Variants in YAF2 observed in about 807,000 individuals in gnomAD.
The protein encoded by YAF2 is YY1 associated factor 2, also known as YY1-associated factor 2.
A neutral mutation model predicts 20.1 loss-of-function variants in YAF2; 7 were observed. That is an observed-to-expected ratio of 0.35 (90% CI 0.20 to 0.65). YAF2 has a LOEUF of 0.65. YAF2 is among the 30% of genes least tolerant of loss of function. The probability of loss-of-function intolerance (pLI) is 0.69; values close to 1 mark genes in which losing one functional copy is unlikely to be tolerated. For synonymous variants in YAF2, 74 were observed against 76.0 expected (o/e 0.97, Z 0.14); for missense variants, 151 against 219.2 (o/e 0.69, Z 1.96).
chr12:42,205,858 C>T (rs2067026260), intron 2 of YAF2: 1 of 406,646 alleles, frequency 2.5e-6, no homozygotes, highest in South Asian at 1.8e-5. Context: ...TTGTGCATCC[C>T]TCAAATTTTG....
At chr12:42,231,486 C>G (rs1436852214) in intron 2 of YAF2, 3 of 152,116 alleles carry the variant, frequency 2.0e-5, no homozygotes, top group Admixed American at 2.0e-4. Context: ...AGGTGTTATT[C>G]TTTGATACTA....
chr12:42,195,725 G>C (rs1183403616), intron 2 of YAF2, among the ~76,000 whole-genome samples: 1 of 152,222 alleles, frequency 6.6e-6, no homozygotes, highest in Non-Finnish European at 1.5e-5. Flanking sequence ...ACACTGTAGA[G>C]AATAGACCAT....
intron 2 of YAF2, among the ~76,000 whole-genome samples, chr12:42,186,683 GGAAAAAAAGAAA>G (rs1431311583): frequency 1.3e-5 from 2 of 150,904 alleles, no homozygotes; most frequent in Non-Finnish European, 3.0e-5. Flanking sequence ...ATCTCAAAAA[GGAAAAAAAGAAA>G]GAAAAAAAGA....
In YAF2 at chr12:42,186,246, A is replaced by G. The variant is rs529637165; in HGVS notation, c.153-24481T>C. 1.1e-4 allele frequency among the ~76,000 whole-genome samples: 16 copies of G among 150,956 alleles called. No homozygotes were observed. The East Asian group carries it at 2.9e-3, about 28-fold the overall frequency. On this transcript the variant is annotated intron_variant, in intron 2 of 3. Coordinates refer to ENST00000534854, the MANE Select transcript of YAF2 (RefSeq NM_005748.6). ...TGGTGGCTCAGGCCTGTAATCCCAG[A>G]ACTTTGGGAGGCAGAGGCAGGAGCT...
intron 2 of YAF2, among the ~76,000 whole-genome samples, chr12:42,198,207 G>T (rs1314873390): frequency 1.3e-5 from 2 of 152,146 alleles, no homozygotes; most frequent in Non-Finnish European, 2.9e-5. Context: ...TCCTTAGGGA[G>T]ATGATGATAA....
rs1315019715 is a variant in YAF2 at position 42,160,402 on chromosome 12, C to T, written c.*187G>A. On this transcript the variant is annotated 3_prime_UTR_variant, in exon 4 of 4. Coordinates refer to ENST00000534854, the MANE Select transcript of YAF2 (RefSeq NM_005748.6). ...AACTGCAGAGACCAAAATGTTAAGTCTGGAAATGTTTGGTAGGCATCATTG... is the reference window on the plus strand; with the variant it reads ...AACTGCAGAGACCAAAATGTTAAGTTTGGAAATGTTTGGTAGGCATCATTG... 1 of 571,286 alleles carries T rather than the reference C, an allele frequency of 1.8e-6. No individual in the cohort carries two copies. Among genetic ancestry groups the T allele is most frequent in the Non-Finnish European group, 3.1e-6 (1 of 326,718 alleles). 35.4% of individuals were successfully genotyped at this position (571,286 alleles called of 1,614,324 possible).
intron 2 of YAF2, among the ~76,000 whole-genome samples, chr12:42,200,486 A>G (rs373435357): frequency 1.3e-5 from 2 of 152,360 alleles, no homozygotes; most frequent in East Asian, 3.9e-4. Flanking sequence ...TATCAAGAAT[A>G]AATGAAGATT....
At chr12:42,217,154 C>G (rs1404704758) in intron 2 of YAF2, among the ~76,000 whole-genome samples, 1 of 152,184 alleles carries the variant, frequency 6.6e-6, no homozygotes, top group East Asian at 1.9e-4. Context: ...TTCAATCATA[C>G]ATTATACTGA....
intron 2 of YAF2, among the ~76,000 whole-genome samples, chr12:42,171,955 C>A (rs1198298569): frequency 6.6e-6 from 1 of 152,144 alleles, no homozygotes; most frequent in Non-Finnish European, 1.5e-5. Flanking sequence ...CAGAGGGAGA[C>A]CCTGTCTCAA....
At chr12:42,199,692 T>G (rs2066848361) in intron 2 of YAF2, 1 of 153,046 alleles carries the variant, frequency 6.5e-6, no homozygotes, top group Non-Finnish European at 1.5e-5. Context: ...ATACAGAACA[T>G]AACAGTTTCA....
chr12:42,198,905 T>C (rs1325165479), intron 2 of YAF2, among the ~76,000 whole-genome samples: 1 of 152,206 alleles, frequency 6.6e-6, no homozygotes, highest in Non-Finnish European at 1.5e-5. Context: ...AGCACTTAAA[T>C]GTGGCTAGTT....
chr12:42,179,903 T>C (rs2066299406), intron 2 of YAF2, among the ~76,000 whole-genome samples: 1 of 151,966 alleles, frequency 6.6e-6, no homozygotes. Flanking sequence ...ACTGATAGTA[T>C]ACTCACTAAT....
intron 2 of YAF2, among the ~76,000 whole-genome samples, chr12:42,229,953 T>C (rs150945739): frequency 2.0e-5 from 3 of 152,264 alleles, no homozygotes; most frequent in Admixed American, 2.0e-4. Flanking sequence ...GGAGGGATGG[T>C]AATCCTAGAG....
At chr12:42,206,470 G>A (rs1470926060) in intron 2 of YAF2, among the ~76,000 whole-genome samples, 6 of 151,880 alleles carry the variant, frequency 4.0e-5, no homozygotes, top group Admixed American at 1.3e-4. Context: ...TTAAGTGGAC[G>A]CGGTGGTGCA....
chr12:42,169,359 C>T (rs2065987852), intron 2 of YAF2, among the ~76,000 whole-genome samples: 1 of 152,152 alleles, frequency 6.6e-6, no homozygotes, highest in African/African-American at 2.4e-5. Flanking sequence ...CTTCCTCTTC[C>T]AGCCCCTTTA....
chr12:42,215,911 C>G (rs561859912), intron 2 of YAF2, among the ~76,000 whole-genome samples: 29 of 150,790 alleles, frequency 1.9e-4, no homozygotes, highest in African/African-American at 7.1e-4. Flanking sequence ...GGCGACAGAG[C>G]GAGATTCCAG....
chr12:42,176,123 G>C (rs1261648101), intron 2 of YAF2, among the ~76,000 whole-genome samples: 1 of 150,870 alleles, frequency 6.6e-6, no homozygotes, highest in Non-Finnish European at 1.5e-5. Context: ...GTGTGCATCT[G>C]TTATCCCACT....
chr12:42,170,135 G>GGCA (rs2066010082), intron 2 of YAF2, among the ~76,000 whole-genome samples: 4 of 152,202 alleles, frequency 2.6e-5, no homozygotes, highest in Non-Finnish European at 5.9e-5. Context: ...GCCTCCCAAA[G>GGCA]TGCTGGGGTT....
intron 2 of YAF2, among the ~76,000 whole-genome samples, chr12:42,221,922 A>C (rs1258688890): frequency 2.0e-5 from 3 of 152,216 alleles, no homozygotes; most frequent in East Asian, 3.8e-4. Context: ...TAAGGTTTCA[A>C]GTAATAAAAA....
Sources: allele counts gnomAD v4.1 joint callset (sites outside exome capture counted in the v4.1 genomes callset), GRCh38; gene constraint gnomAD v4.1.1; transcripts MANE v1.5; gene names NCBI Gene and HGNC (gene_info 2026-07-23, HGNC 2026-07-21).